RYR2: variants seen among roughly 807,000 people sequenced by gnomAD.
RYR2 encodes the protein cardiac muscle ryanodine receptor-calcium release channel.
In RYR2, 227 loss-of-function variants were observed where a neutral mutation model predicts 601.1. The ratio of observed to expected loss-of-function variants is 0.38; its 90% CI spans 0.34 to 0.42. The LOEUF (loss-of-function observed/expected upper bound fraction) is 0.42, where lower values mean the gene tolerates loss of function less well. Ranked by LOEUF, RYR2 falls within the 10% of genes least tolerant of loss-of-function variation. The pLI, the probability that RYR2 is intolerant of heterozygous loss-of-function variation, is 1.00. For missense variants in RYR2, 4,646 were observed against 6,156.5 expected, an observed-to-expected ratio of 0.75 and a Z score of 8.21; for synonymous variants, 2,223 against 2,175.1, an observed-to-expected ratio of 1.02 and a Z score of -0.61.
chr1:237,635,107 CATT>C (rs1451090271), intron 44 of RYR2, 115 bp downstream of exon 44: 1 of 723,354 alleles, frequency 1.4e-6, no homozygotes, highest in African/African-American at 1.8e-5. Context: ...TGCAATGTGA[CATT>C]ATGGCCAAAA....
At chr1:237,308,575 T>A (rs1219769696) in intron 2 of RYR2, among the ~76,000 whole-genome samples, 1 of 152,160 alleles carries the variant, frequency 6.6e-6, no homozygotes, top group Non-Finnish European at 1.5e-5. Context: ...AAAGGTGGTG[T>A]GTCCAGAGTT....
intron 16 of RYR2, among the ~76,000 whole-genome samples, chr1:237,458,746 A>G (rs913491995): frequency 4.8e-4 from 73 of 152,310 alleles, no homozygotes; most frequent in African/African-American, 1.7e-3. Context: ...AAGTTAAAAA[A>G]AAAAAGAAAA....
chr1:237,466,638 A>G (rs1199949899), intron 16 of RYR2, among the ~76,000 whole-genome samples: 1 of 151,212 alleles, frequency 6.6e-6, no homozygotes, highest in East Asian at 1.9e-4. Flanking sequence ...ATTGCGATTT[A>G]TTTTTTTCTG....
chr1:237,735,940 C>A (rs1403668775), intron 79 of RYR2, among the ~76,000 whole-genome samples: 3 of 151,978 alleles, frequency 2.0e-5, no homozygotes, highest in African/African-American at 7.3e-5. Flanking sequence ...AATGGAGGGC[C>A]AACTGTATAT....
chr1:237,370,868 G>A (rs1021352966), intron 6 of RYR2, among the ~76,000 whole-genome samples: 1 of 152,100 alleles, frequency 6.6e-6, no homozygotes. Context: ...CACCGTGTTA[G>A]CCAGGATGGT....
At chr1:237,666,818 G>A (rs895800801) in intron 57 of RYR2, among the ~76,000 whole-genome samples, 3 of 151,960 alleles carry the variant, frequency 2.0e-5, no homozygotes, top group African/African-American at 7.2e-5. Flanking sequence ...GCTGAGGCAG[G>A]AGAATCGCTT....
chr1:237,390,570 T>C (rs1170874900), intron 10 of RYR2, among the ~76,000 whole-genome samples: 2 of 150,906 alleles, frequency 1.3e-5, no homozygotes, highest in Non-Finnish European at 2.9e-5. Flanking sequence ...TAGCCAGATA[T>C]GATTGAAAAG....
Position 237,685,112 on chromosome 1 carries a change from TGAA to T in RYR2, c.9018-2338_9018-2336del, listed in dbSNP as rs570708028. On this transcript the variant is annotated intron_variant, in intron 62 of 104. Transcript: ENST00000366574. ...TTAGTACAAGACAATGAGTAAATGC[TGAA>T]GAAGTAGATGCCTTATAAATTCTGG... Among the ~76,000 whole-genome samples the T allele has an allele frequency of 3.3e-3, 501 of 152,246 alleles. 1 individual carries two copies. Among genetic ancestry groups the T allele is most frequent in the South Asian group, 0.01 (49 of 4,818 alleles).
At chr1:237,500,286 A>C (rs1664492353) in intron 20 of RYR2, among the ~76,000 whole-genome samples, 1 of 152,212 alleles carries the variant, frequency 6.6e-6, no homozygotes, top group Non-Finnish European at 1.5e-5. Flanking sequence ...AAACAAGGTG[A>C]TGGTACTTGG....
chr1:237,652,359 A>C (rs1558146564), intron 51 of RYR2, among the ~76,000 whole-genome samples: 1 of 152,168 alleles, frequency 6.6e-6, no homozygotes, highest in Non-Finnish European at 1.5e-5. Flanking sequence ...TTGTCCTTTA[A>C]TATCATAATC....
At chr1:237,491,409 C>T (rs1451352257) in intron 17 of RYR2, among the ~76,000 whole-genome samples, 2 of 152,154 alleles carry the variant, frequency 1.3e-5, no homozygotes. Context: ...ACATGAGGCA[C>T]ACCAGATATG....
chr1:237,318,296 T>C (rs1695302394), intron 2 of RYR2, among the ~76,000 whole-genome samples: 1 of 152,144 alleles, frequency 6.6e-6, no homozygotes, highest in African/African-American at 2.4e-5. Flanking sequence ...TATACACCCA[T>C]ACATCATACA....
chr1:237,070,195 C>T (rs1489780500), intron 1 of RYR2, among the ~76,000 whole-genome samples: 1 of 151,884 alleles, frequency 6.6e-6, no homozygotes, highest in East Asian at 1.9e-4. Context: ...CATGCCTGGA[C>T]TGTGTTTAAC....
intron 22 of RYR2, among the ~76,000 whole-genome samples, chr1:237,505,784 G>C (rs1665159341): frequency 6.6e-6 from 1 of 152,212 alleles, no homozygotes; most frequent in African/African-American, 2.4e-5. Flanking sequence ...TGCGAGACTA[G>C]CTGTGGGGTC....
At chr1:237,602,502 G>A (rs1022218029) in intron 35 of RYR2, among the ~76,000 whole-genome samples, 1 of 152,166 alleles carries the variant, frequency 6.6e-6, no homozygotes, top group Admixed American at 6.5e-5. Context: ...TGGATGGGTT[G>A]GATCAGCTAA....
intron 1 of RYR2, among the ~76,000 whole-genome samples, chr1:237,163,777 G>A (rs571971011): frequency 1.2e-4 from 19 of 152,184 alleles, no homozygotes; most frequent in Non-Finnish European, 2.5e-4. Flanking sequence ...CAATTGAGAG[G>A]TCTAGACTTC....
At chr1:237,175,436 C>T (rs898444060) in intron 1 of RYR2, among the ~76,000 whole-genome samples, 4 of 151,948 alleles carry the variant, frequency 2.6e-5, no homozygotes, top group African/African-American at 7.3e-5. Flanking sequence ...ATTAAGTATT[C>T]TGTAGAGTTA....
At chr1:237,624,599 G>A (rs975052421) in intron 39 of RYR2, among the ~76,000 whole-genome samples, 6 of 152,202 alleles carry the variant, frequency 3.9e-5, no homozygotes, top group African/African-American at 9.6e-5. Context: ...TCTAGAAAAT[G>A]TAGACTATAT....
At chr1:237,210,163 T>C (rs1161328889) in intron 1 of RYR2, among the ~76,000 whole-genome samples, 1 of 152,214 alleles carries the variant, frequency 6.6e-6, no homozygotes, top group Admixed American at 6.5e-5. Context: ...GCTCATGTAA[T>C]AAATGTATTT....
Sources: allele counts gnomAD v4.1 joint callset (sites outside exome capture counted in the v4.1 genomes callset), GRCh38; gene constraint gnomAD v4.1.1; transcripts MANE v1.5; gene names NCBI Gene and HGNC (gene_info 2026-07-23, HGNC 2026-07-21).